VAV3: variants seen among roughly 807,000 people sequenced by gnomAD.
VAV3 encodes the protein guanine nucleotide exchange factor VAV3.
In VAV3, 94 loss-of-function variants were observed where a neutral mutation model predicts 131.2. The observed-to-expected ratio is 0.72, with a 90% CI of 0.61 to 0.85. The LOEUF (loss-of-function observed/expected upper bound fraction) is 0.85. Ranked by LOEUF, VAV3 falls within the 40% of genes least tolerant of loss-of-function variation. The probability of loss-of-function intolerance (pLI) is 0.00; values close to 1 mark genes in which losing one functional copy is unlikely to be tolerated. For missense variants in VAV3, 939 were observed against 1,002.7 expected, an observed-to-expected ratio of 0.94 and a Z score of 0.86; for synonymous variants, 349 against 342.0, an observed-to-expected ratio of 1.02 and a Z score of -0.22.
chr1:107,795,428 TG>T (rs1666489647), intron 2 of VAV3, among the ~76,000 whole-genome samples: 1 of 151,740 alleles, frequency 6.6e-6, no homozygotes, highest in South Asian at 2.1e-4. Context: ...TATTGGCTTC[TG>T]TGCAATGGTA....
At chr1:107,862,139 A>C (rs1318156067) in intron 2 of VAV3, among the ~76,000 whole-genome samples, 2 of 151,598 alleles carry the variant, frequency 1.3e-5, no homozygotes. Flanking sequence ...TTCTCCAAAG[A>C]CACAGGTGCT....
intron 2 of VAV3, among the ~76,000 whole-genome samples, chr1:107,833,808 C>A (rs1420529577): frequency 6.6e-6 from 1 of 152,128 alleles, no homozygotes; most frequent in Non-Finnish European, 1.5e-5. Context: ...AGGGTGGCTT[C>A]AAAAATGGTG....
chr1:107,794,399 G>A (rs1666440835), intron 2 of VAV3, among the ~76,000 whole-genome samples: 1 of 152,250 alleles, frequency 6.6e-6, no homozygotes, highest in Admixed American at 6.5e-5. Flanking sequence ...TGAGGACTAT[G>A]TCTGATTATG....
At chr1:107,642,868 T>C (rs1655454496) in intron 19 of VAV3, 113 bp from the exon 20 acceptor site, 2 of 1,423,348 alleles carry the variant, frequency 1.4e-6, no homozygotes, top group African/African-American at 1.5e-5. Context: ...TACCACCAAG[T>C]CCAAGTAAAC....
chr1:107,747,854 G>A (rs1490184271), intron 15 of VAV3, among the ~76,000 whole-genome samples: 1 of 152,022 alleles, frequency 6.6e-6, no homozygotes, highest in Non-Finnish European at 1.5e-5. Flanking sequence ...AAATAATCCT[G>A]AGAATCTTTA....
chr1:107,602,913 A>G, intron 23 of VAV3, 134 bp downstream of exon 23: 1 of 638,844 alleles, frequency 1.6e-6, no homozygotes, highest in East Asian at 2.7e-5. Flanking sequence ...GTATTAATGA[A>G]CTGTCTGGAT....
At position 107,868,340 on chromosome 1, in the gene VAV3, G is replaced by A. The variant is rs138787549; in HGVS notation, c.321+6561C>T. 2.0e-4 allele frequency among the ~76,000 whole-genome samples: 30 copies of A among 152,246 alleles called. 1 individual carries two copies. The highest frequency in any genetic ancestry group is 3.3e-4 in the Admixed American group (5 of 15,288). ...AAAATGTTTTCAGGTGTTGATTAAC[G>A]TGTATGCACTAGATAATAAGGCTCT... On this transcript the variant is annotated intron_variant, in intron 2 of 26. Coordinates refer to ENST00000370056, the MANE Select transcript of VAV3 (RefSeq NM_006113.5).
chr1:107,951,901 A>G (rs1212201733), intron 1 of VAV3, among the ~76,000 whole-genome samples: 1 of 152,210 alleles, frequency 6.6e-6, no homozygotes, highest in Non-Finnish European at 1.5e-5. Flanking sequence ...CATTTGTGGA[A>G]GACAGTGTGG....
chr1:107,882,328 T>C (rs1670821850), intron 1 of VAV3, among the ~76,000 whole-genome samples: 1 of 152,136 alleles, frequency 6.6e-6, no homozygotes, highest in Admixed American at 6.5e-5. Flanking sequence ...AGTAGGACAC[T>C]TGCTATTGAA....
intron 1 of VAV3, among the ~76,000 whole-genome samples, chr1:107,892,072 T>G (rs1412420409): frequency 6.6e-6 from 1 of 152,158 alleles, no homozygotes; most frequent in African/African-American, 2.4e-5. Flanking sequence ...TTACTGCTAA[T>G]AATAATGAAA....
At chr1:107,889,468 T>C (rs960935158) in intron 1 of VAV3, among the ~76,000 whole-genome samples, 1 of 152,134 alleles carries the variant, frequency 6.6e-6, no homozygotes, top group Admixed American at 6.5e-5. Flanking sequence ...CTAGCAATAA[T>C]TGTGGTAAGA....
At chr1:107,617,067 A>G (rs964038794) in intron 21 of VAV3, among the ~76,000 whole-genome samples, 4 of 152,130 alleles carry the variant, frequency 2.6e-5, no homozygotes, top group African/African-American at 9.7e-5. Context: ...TGTGTTTTAT[A>G]TTTTCAGAAA....
chr1:107,858,567 G>A (rs1669586296), intron 2 of VAV3, among the ~76,000 whole-genome samples: 1 of 152,150 alleles, frequency 6.6e-6, no homozygotes, highest in African/African-American at 2.4e-5. Context: ...AAGGGCATTC[G>A]ATTCTCATAG....
At chr1:107,804,658 AG>A (rs1666977603) in intron 2 of VAV3, among the ~76,000 whole-genome samples, 1 of 152,216 alleles carries the variant, frequency 6.6e-6, no homozygotes, top group South Asian at 2.1e-4. Context: ...TTCATACTAA[AG>A]TTATGAGTGT....
intron 25 of VAV3, among the ~76,000 whole-genome samples, chr1:107,583,995 G>C (rs1233660628): frequency 6.6e-6 from 1 of 152,096 alleles, no homozygotes. Context: ...CATGCTACCT[G>C]ACTTCAAACT....
chr1:107,578,361 A>C (rs920595200), intron 25 of VAV3, among the ~76,000 whole-genome samples: 2 of 152,194 alleles, frequency 1.3e-5, no homozygotes, highest in Non-Finnish European at 2.9e-5. Flanking sequence ...AATTTTTATA[A>C]TCAGCCCAAA....
At chr1:107,947,936 G>A (rs964397592) in intron 1 of VAV3, among the ~76,000 whole-genome samples, 1 of 152,148 alleles carries the variant, frequency 6.6e-6, no homozygotes, top group Admixed American at 6.5e-5. Flanking sequence ...CAACCTAGGA[G>A]TAATAACTTA....
At chr1:107,865,160 A>C (rs893650798) in intron 2 of VAV3, among the ~76,000 whole-genome samples, 7 of 152,176 alleles carry the variant, frequency 4.6e-5, no homozygotes, top group Non-Finnish European at 8.8e-5. Flanking sequence ...GGTAGGGTGA[A>C]AGTCAGTTTT....
chr1:107,750,849 C>T lies in VAV3; in HGVS notation c.1259+268G>A, dbSNP rs372613287. Among the ~76,000 whole-genome samples the T allele has an allele frequency of 2.6e-4, 40 of 152,182 alleles. No homozygotes were observed. In the South Asian group the frequency reaches 7.7e-3, roughly 29 times the overall value. On this transcript the variant is annotated intron_variant, in intron 13 of 26. Transcript: ENST00000370056. The stretch of plus-strand genomic sequence containing the variant: ...TGGTAGTTATCTGTTCTTACTTTAT[C>T]GCTCTTCTCATTTTAATGTATCCTA...
Sources: gnomAD v4.1 joint callset for allele counts (sites outside exome capture counted in the v4.1 genomes callset) on GRCh38, gnomAD v4.1.1 for gene constraint, MANE v1.5 for transcripts, NCBI Gene and HGNC (gene_info 2026-07-23, HGNC 2026-07-21) for gene names.